ELMO1: variants seen among roughly 807,000 people sequenced by gnomAD.
ELMO1 encodes the protein engulfment and cell motility protein 1.
In ELMO1, 26 loss-of-function variants were observed where a neutral mutation model predicts 98.9. The observed-to-expected ratio is 0.26, with a 90% CI of 0.19 to 0.36. The LOEUF (loss-of-function observed/expected upper bound fraction) is 0.36. Among genes scored for constraint, ELMO1 ranks in the 10% least tolerant of loss-of-function variants. The pLI is 1.00. For synonymous variants in ELMO1, 346 were observed against 346.0 expected (o/e 1.00, Z 0.00); for missense variants, 627 against 935.2 (o/e 0.67, Z 4.30).
In ELMO1 at chr7:36,991,636, C is replaced by T. The variant is rs115498515; in HGVS notation, c.1437+21663G>A. Among the ~76,000 whole-genome samples the T allele has an allele frequency of 5.3e-3, 802 of 152,278 alleles. 11 individuals are homozygous for T. The highest frequency in any genetic ancestry group is 0.018 in the African/African-American group (754 of 41,568). On this transcript the variant is annotated intron_variant, in intron 16 of 21. Transcript: ENST00000310758. The stretch of plus-strand genomic sequence containing the variant: ...AATATTCCATGGAAACATTCCCATA[C>T]GTAGGCACCTGCATCTCTTTTCCTC...
intron 13 of ELMO1, among the ~76,000 whole-genome samples, chr7:37,168,801 T>C (rs1043736890): frequency 6.6e-6 from 1 of 152,202 alleles, no homozygotes; most frequent in Non-Finnish European, 1.5e-5. Context: ...AGGGACCCAC[T>C]TGAGGAGGCA....
At chr7:37,321,610 G>A (rs537564719) in intron 2 of ELMO1, among the ~76,000 whole-genome samples, 13 of 150,084 alleles carry the variant, frequency 8.7e-5, no homozygotes, top group African/African-American at 2.9e-4. Context: ...CCAGCTACTC[G>A]GGAGGCTGAG....
chr7:37,005,387 C>T (rs938789687), intron 16 of ELMO1, among the ~76,000 whole-genome samples: 2 of 151,844 alleles, frequency 1.3e-5, no homozygotes, highest in African/African-American at 4.8e-5. Context: ...CACGGCAGCA[C>T]ACTTAGAAGT....
intron 2 of ELMO1, among the ~76,000 whole-genome samples, chr7:37,330,939 C>T (rs929604554): frequency 6.6e-6 from 1 of 152,116 alleles, no homozygotes; most frequent in Non-Finnish European, 1.5e-5. Flanking sequence ...ACGGAAATGG[C>T]TACTAAGTGA....
intron 13 of ELMO1, among the ~76,000 whole-genome samples, chr7:37,136,854 A>C (rs1369665720): frequency 6.6e-6 from 1 of 152,238 alleles, no homozygotes; most frequent in Non-Finnish European, 1.5e-5. Flanking sequence ...CAATAATACA[A>C]TGAAGAAAAC....
chr7:37,084,759 C>CA (rs1554407502), intron 15 of ELMO1, among the ~76,000 whole-genome samples: 1 of 142,018 alleles, frequency 7.0e-6, no homozygotes, highest in African/African-American at 2.6e-5. Context: ...AAGCAAATTC[C>CA]TTTTTTTTTT....
chr7:37,061,257 C>G (rs1348838976), intron 15 of ELMO1, among the ~76,000 whole-genome samples: 1 of 152,108 alleles, frequency 6.6e-6, no homozygotes, highest in Non-Finnish European at 1.5e-5. Flanking sequence ...TCCTAGAGAC[C>G]AGTTGGTCTG....
chr7:37,040,757 T>C (rs1795459088), intron 15 of ELMO1, among the ~76,000 whole-genome samples: 1 of 152,192 alleles, frequency 6.6e-6, no homozygotes, highest in Non-Finnish European at 1.5e-5. Context: ...CCCTTATTCC[T>C]GTATTATTAG....
chr7:37,282,520 G>A (rs1017465448), intron 4 of ELMO1, among the ~76,000 whole-genome samples: 1 of 152,156 alleles, frequency 6.6e-6, no homozygotes, highest in Non-Finnish European at 1.5e-5. Flanking sequence ...ATGATACGCT[G>A]GTTGCTAAGT....
intron 13 of ELMO1, among the ~76,000 whole-genome samples, chr7:37,151,244 A>T (rs1788337180): frequency 6.6e-6 from 1 of 152,236 alleles, no homozygotes; most frequent in African/African-American, 2.4e-5. Context: ...CTTTCCTGCC[A>T]GGGAATAGCC....
intron 1 of ELMO1, among the ~76,000 whole-genome samples, chr7:37,369,082 A>G (rs1802011677): frequency 6.6e-6 from 1 of 152,198 alleles, no homozygotes; most frequent in Admixed American, 6.5e-5. Context: ...ACGGATAAAC[A>G]TATAAAGTTT....
At chr7:36,865,004 A>G (rs956570039) in intron 20 of ELMO1, among the ~76,000 whole-genome samples, 3 of 152,158 alleles carry the variant, frequency 2.0e-5, no homozygotes, top group African/African-American at 7.2e-5. Context: ...GGGACAGAAG[A>G]CAAGGCACGC....
chr7:37,389,634 G>T (rs999092579), intron 1 of ELMO1, among the ~76,000 whole-genome samples: 1 of 152,164 alleles, frequency 6.6e-6, no homozygotes, highest in Non-Finnish European at 1.5e-5. Context: ...AGCATGAAGA[G>T]GCAGGAATAA....
At chr7:37,320,515 C>G (rs891887928) in intron 2 of ELMO1, among the ~76,000 whole-genome samples, 1 of 152,290 alleles carries the variant, frequency 6.6e-6, no homozygotes, top group East Asian at 1.9e-4. Flanking sequence ...GGGACTCTTA[C>G]TTACCATTTA....
At chr7:37,188,448 A>G (rs1267109141) in intron 13 of ELMO1, among the ~76,000 whole-genome samples, 2 of 32,604 alleles carry the variant, frequency 6.1e-5, no homozygotes, top group Admixed American at 3.7e-4. Flanking sequence ...ACACACACAC[A>G]CACGCAAACA....
chr7:36,901,787 G>C (rs375312359), intron 16 of ELMO1, among the ~76,000 whole-genome samples: 31 of 151,796 alleles, frequency 2.0e-4, no homozygotes, highest in African/African-American at 7.0e-4. Flanking sequence ...CACAGTCCTA[G>C]ACATCTTATC....
rs185959005 is a variant in ELMO1 at position 36,966,464 on chromosome 7, T to C, written c.1437+46835A>G. 1.4e-3 allele frequency among the ~76,000 whole-genome samples: 215 copies of C among 152,384 alleles called. 1 individual carries two copies. Among genetic ancestry groups the C allele is most frequent in the Admixed American group, 2.5e-3 (39 of 15,308 alleles). On this transcript the variant is annotated intron_variant, in intron 16 of 21. Transcript: ENST00000310758. ...AATGCTGTTTCACGTGACAAGGTTA[T>C]ACTCCTTCTCGAAGCAGAAGCAGCA...
At chr7:37,256,765 A>AAGGGAGG (rs1795687470) in intron 6 of ELMO1, among the ~76,000 whole-genome samples, 1 of 107,924 alleles carries the variant, frequency 9.3e-6, no homozygotes, top group Non-Finnish European at 1.8e-5. Context: ...GGGAAGGGAG[A>AAGGGAGG]AGGGAGGAGG....
chr7:37,348,587 A>T (rs1486309935), intron 1 of ELMO1, among the ~76,000 whole-genome samples: 1 of 152,124 alleles, frequency 6.6e-6, no homozygotes. Context: ...TTAGGTACTG[A>T]AGTCTGTATA....
Sources: gnomAD v4.1 joint callset for allele counts (sites outside exome capture counted in the v4.1 genomes callset) on GRCh38, gnomAD v4.1.1 for gene constraint, MANE v1.5 for transcripts, NCBI Gene and HGNC (gene_info 2026-07-23, HGNC 2026-07-21) for gene names.